The following ARHGAP6 variants were observed in gnomAD, a reference collection of about 807,000 sequenced individuals.
ARHGAP6 encodes Rho GTPase activating protein 6.
In ARHGAP6, 16 loss-of-function variants were observed where a neutral mutation model predicts 55.7. The ratio of observed to expected loss-of-function variants is 0.29; its 90% CI spans 0.19 to 0.44. The LOEUF is 0.44. Among genes scored for constraint, ARHGAP6 ranks in the 20% least tolerant of loss-of-function variants. ARHGAP6 has a pLI of 1.00. For synonymous variants in ARHGAP6, 382 were observed against 360.9 expected (o/e 1.06, Z -0.66); for missense variants, 698 against 808.9 (o/e 0.86, Z 1.66).
In ARHGAP6 at chrX:11,505,522, C is replaced by T. The variant is rs1320818634; in HGVS notation, c.588+158719G>A. Reference sequence around the variant, plus strand: ...CTCCAAGAGCTAAAAACAGAACCAACGTTCAACCCAGAAATCCTATTACTG... The same window carrying T: ...CTCCAAGAGCTAAAAACAGAACCAATGTTCAACCCAGAAATCCTATTACTG... On this transcript the variant is annotated intron_variant, in intron 1 of 12. Coordinates refer to ENST00000337414, the MANE Select transcript of ARHGAP6 (RefSeq NM_013427.3). 7.2e-5 allele frequency among the ~76,000 whole-genome samples: 8 copies of T among 111,094 alleles called. No individual in the cohort carries two copies. The East Asian group carries it at 1.7e-3, about 23-fold the overall frequency.
At chrX:11,274,603 C>T (rs1178127363) in intron 1 of ARHGAP6, among the ~76,000 whole-genome samples, 1 of 111,541 alleles carries the variant, frequency 9.0e-6, no homozygotes, top group African/African-American at 3.3e-5. Flanking sequence ...GCAAAGGAAC[C>T]ACATTTTTTT....
At chrX:11,222,793 G>C in intron 2 of ARHGAP6, among the ~76,000 whole-genome samples, 1 of 112,066 alleles carries the variant, frequency 8.9e-6, no homozygotes, top group Non-Finnish European at 1.9e-5. Flanking sequence ...AGTTGTGACA[G>C]TATTTCATGG....
chrX:11,490,764 T>G (rs774443789), intron 1 of ARHGAP6, among the ~76,000 whole-genome samples: 1 of 112,163 alleles, frequency 8.9e-6, no homozygotes, highest in Non-Finnish European at 1.9e-5. Context: ...GCTTTATACA[T>G]TTTCTTGTCA....
chrX:11,255,329 C>A (rs1177442808), intron 1 of ARHGAP6, among the ~76,000 whole-genome samples: 1 of 110,349 alleles, frequency 9.1e-6, no homozygotes, highest in Non-Finnish European at 1.9e-5. Flanking sequence ...TAGTCAAGGG[C>A]TTTTTAGTTA....
chrX:11,508,209 T>C (rs1472369039), intron 1 of ARHGAP6, among the ~76,000 whole-genome samples: 1 of 110,794 alleles, frequency 9.0e-6, no homozygotes, highest in African/African-American at 3.3e-5. Context: ...GTTGCTATGA[T>C]ACAATGGTGC....
At chrX:11,571,269 T>C (rs2051512575) in intron 1 of ARHGAP6, among the ~76,000 whole-genome samples, 1 of 111,582 alleles carries the variant, frequency 9.0e-6, no homozygotes, top group Non-Finnish European at 1.9e-5. Flanking sequence ...CCACTGATTT[T>C]CATAGAGGGG....
At chrX:11,365,984 G>A (rs2049072010) in intron 1 of ARHGAP6, among the ~76,000 whole-genome samples, 2 of 112,074 alleles carry the variant, frequency 1.8e-5, no homozygotes, top group South Asian at 7.4e-4. Flanking sequence ...CCTTCTCACT[G>A]TGTTCTCACA....
At chrX:11,552,502 T>C (rs753541502) in intron 1 of ARHGAP6, among the ~76,000 whole-genome samples, 84 of 89,416 alleles carry the variant, frequency 9.4e-4, no homozygotes, top group Non-Finnish European at 1.4e-3. Flanking sequence ...AGAGCCAAGA[T>C]ATGGAATCAA....
rs1569241122 is a variant in ARHGAP6 at position 11,174,567 on chromosome X, TTC to T, written c.1629+3531_1629+3532del. ...CTTCCTTCCTTCCTTCCTTCCTTCC[TTC>T]CTTCCTTTCTTTCTTTCTTTCTTTT... On this transcript the variant is annotated intron_variant, in intron 8 of 12. Coordinates refer to ENST00000337414, the MANE Select transcript of ARHGAP6 (RefSeq NM_013427.3). Among the ~76,000 whole-genome samples, 25 of 79,057 alleles carry T rather than the reference TTC, an allele frequency of 3.2e-4. 1 individual carries two copies. Among genetic ancestry groups the T allele is most frequent in the African/African-American group, 6.3e-4 (12 of 18,968 alleles). 68.7% of individuals were successfully genotyped at this position (79,057 alleles called of 115,157 possible). A position where few individuals can be genotyped will look rare whatever the true frequency, so the allele number is the denominator to read the frequency against.
intron 1 of ARHGAP6, among the ~76,000 whole-genome samples, chrX:11,359,592 A>G (rs945248768): frequency 8.9e-6 from 1 of 112,064 alleles, no homozygotes; most frequent in African/African-American, 3.2e-5. Flanking sequence ...ATCTTTGCAC[A>G]AGCATTATTA....
intron 10 of ARHGAP6, among the ~76,000 whole-genome samples, chrX:11,148,106 C>G (rs2045722777): frequency 9.0e-6 from 1 of 111,632 alleles, no homozygotes; most frequent in South Asian, 3.8e-4. Context: ...CACTCAGTGT[C>G]AAATCTAGAA....
At chrX:11,524,652 C>T (rs1324577744) in intron 1 of ARHGAP6, among the ~76,000 whole-genome samples, 1 of 111,381 alleles carries the variant, frequency 9.0e-6, no homozygotes, top group Non-Finnish European at 1.9e-5. Flanking sequence ...TAGCAGCAGT[C>T]CCCAACCTTC....
At chrX:11,519,045 T>G (rs1188084568) in intron 1 of ARHGAP6, among the ~76,000 whole-genome samples, 1 of 94,399 alleles carries the variant, frequency 1.1e-5, no homozygotes, top group East Asian at 3.6e-4. Flanking sequence ...TGTTGGACAT[T>G]TGGGTTGGTT....
At chrX:11,552,341 C>T (rs1261305919) in intron 1 of ARHGAP6, among the ~76,000 whole-genome samples, 5 of 105,966 alleles carry the variant, frequency 4.7e-5, no homozygotes, top group African/African-American at 1.7e-4. Flanking sequence ...TTTGAACAGC[C>T]AATATGGAAA....
rs773023546 is a variant in ARHGAP6 at position 11,443,158 on chromosome X, C to T, written c.589-188451G>A. ...ATTGATCTGTTTGCCTGTTTCTGAA[C>T]TTTAAGGCCACAGAATCAGTCTTTT... On this transcript the variant is annotated intron_variant, in intron 1 of 12. Coordinates refer to ENST00000337414, the MANE Select transcript of ARHGAP6 (RefSeq NM_013427.3). Among the ~76,000 whole-genome samples, 77 of 112,313 alleles carry T rather than the reference C, an allele frequency of 6.9e-4. No homozygotes were observed. In the Admixed American group the frequency reaches 7.2e-3, roughly 11 times the overall value.
At chrX:11,635,402 T>TA (rs1210865017) in intron 1 of ARHGAP6, among the ~76,000 whole-genome samples, 1 of 112,248 alleles carries the variant, frequency 8.9e-6, no homozygotes, top group African/African-American at 3.2e-5. Context: ...GAGATTTTTT[T>TA]AAAATGAGCA....
chrX:11,374,897 TC>T (rs1207680563), intron 1 of ARHGAP6, among the ~76,000 whole-genome samples: 2 of 111,541 alleles, frequency 1.8e-5, no homozygotes, highest in Non-Finnish European at 3.8e-5. Flanking sequence ...TCCTACTGAC[TC>T]CCCTCCATCA....
rs779808287 is a variant in ARHGAP6, at chrX:11,541,719, G to A, written c.588+122522C>T. 1.2e-4 allele frequency among the ~76,000 whole-genome samples: 13 copies of A among 112,001 alleles called. No homozygotes were observed. In the South Asian group the frequency reaches 4.1e-3, roughly 35 times the overall value. ...CACATTTACTGATTGCTCAATAAATGTGAAATCCTAGAGCCACCACTACTA... is the reference window on the plus strand; with the variant it reads ...CACATTTACTGATTGCTCAATAAATATGAAATCCTAGAGCCACCACTACTA... On this transcript the variant is annotated intron_variant, in intron 1 of 12. Coordinates refer to ENST00000337414, the MANE Select transcript of ARHGAP6 (RefSeq NM_013427.3).
At chrX:11,568,762 A>G (rs2051478261) in intron 1 of ARHGAP6, among the ~76,000 whole-genome samples, 1 of 110,822 alleles carries the variant, frequency 9.0e-6, no homozygotes, top group Admixed American at 9.6e-5. Flanking sequence ...ATCTCAAAAA[A>G]AAAAAAAAAA....
Sources: gnomAD v4.1 joint callset for allele counts (sites outside exome capture counted in the v4.1 genomes callset) on GRCh38, gnomAD v4.1.1 for gene constraint, MANE v1.5 for transcripts, NCBI Gene and HGNC (gene_info 2026-07-23, HGNC 2026-07-21) for gene names.